The following KIAA2012 variants were observed in gnomAD, a reference collection of about 807,000 sequenced individuals.
KIAA2012 encodes the protein uncharacterized protein KIAA2012.
In KIAA2012, 125 loss-of-function variants were observed where a neutral mutation model predicts 150.6. The ratio of observed to expected loss-of-function variants is 0.83; its 90% confidence interval spans 0.72 to 0.96. The LOEUF is 0.96. KIAA2012 is among the 40% of genes least tolerant of loss of function. KIAA2012 has a pLI of 0.00. For synonymous variants in KIAA2012, 462 were observed against 504.7 expected, an observed-to-expected ratio of 0.92 and a Z score of 1.13; for missense variants, 1,219 against 1,354.9, an observed-to-expected ratio of 0.90 and a Z score of 1.57.
chr2:202,165,614 G>A lies in KIAA2012; in HGVS notation c.2119+258G>A, dbSNP rs186308840. Among the ~76,000 whole-genome samples, 812 of 152,206 alleles carry A rather than the reference G, an allele frequency of 5.3e-3. 5 individuals carry two copies. Among genetic ancestry groups the A allele is most frequent in the African/African-American group, 0.018 (752 of 41,524 alleles). The stretch of plus-strand genomic sequence containing the variant: ...TGCATGCCTGTAATCCCAGCTACTC[G>A]GGAGGCTGAGGCAGGAGAATCACTT... On this transcript the variant is annotated intron_variant, in intron 15 of 23. Transcript: ENST00000498697.
chr2:202,195,611 A>G (rs1292666963), intron 21 of KIAA2012, among the ~76,000 whole-genome samples: 1 of 152,164 alleles, frequency 6.6e-6, no homozygotes, highest in Non-Finnish European at 1.5e-5. Flanking sequence ...GCTATAGAAC[A>G]CTAGAACTTA....
In KIAA2012 at chr2:202,098,591, G is replaced by A. The variant is rs116443359; in HGVS notation, c.828+1014G>A. On this transcript the variant is annotated intron_variant, in intron 5 of 23. Transcript: ENST00000498697. The stretch of plus-strand genomic sequence containing the variant: ...AGCTGTTAATCTTGTTTGAAAAATA[G>A]CTATTGCCTTAGACTCAGAAAAGCC... 1.7e-3 allele frequency among the ~76,000 whole-genome samples: 260 copies of A among 152,212 alleles called. 1 individual carries two copies. The highest frequency in any genetic ancestry group is 5.9e-3 in the African/African-American group (245 of 41,544).
At chr2:202,157,209 A>G (rs533526049) in intron 14 of KIAA2012, among the ~76,000 whole-genome samples, 1 of 152,316 alleles carries the variant, frequency 6.6e-6, no homozygotes, top group South Asian at 2.1e-4. Context: ...CTCTCCCTAG[A>G]TAGACCTTCT....
At chr2:202,151,591 C>A (rs997726670) in intron 13 of KIAA2012, among the ~76,000 whole-genome samples, 2 of 152,046 alleles carry the variant, frequency 1.3e-5, no homozygotes, top group African/African-American at 4.8e-5. Flanking sequence ...CCTCCTAGCA[C>A]CATTGTGTTG....
chr2:202,083,116 C>A (rs1559196933), intron 2 of KIAA2012, among the ~76,000 whole-genome samples: 2 of 152,146 alleles, frequency 1.3e-5, no homozygotes, highest in African/African-American at 4.8e-5. Flanking sequence ...AGGGATCAAG[C>A]CTTGTTACAA....
Position 202,074,931 on chromosome 2 carries a change from T to C in KIAA2012, c.125T>C (p.Val42Ala), listed in dbSNP as rs10221698. Residue 42 changes from valine (V) to alanine (A), a missense_variant, in exon 2 of 24, where the codon GTC becomes GCC. Val to Ala is a moderately conservative substitution (Grantham distance 64, BLOSUM62 0). Transcript: ENST00000498697. ...NWRSPEDYVP[V>A]SKPQDKNNAS... ...AGGTCCCCAGAAGACTATGTTCCTG[T>C]CAGCAAACCTCAAGATAAGAACAAT... The C allele has an allele frequency of 0.52, 802,746 of 1,550,344 alleles. 215,473 individuals are homozygous for C. Among genetic ancestry groups the C allele is most frequent in the Non-Finnish European group, 0.56 (641,749 of 1,146,872 alleles).
At chr2:202,111,315 T>C (rs757819117) in intron 10 of KIAA2012, among the ~76,000 whole-genome samples, 5 of 130,998 alleles carry the variant, frequency 3.8e-5, no homozygotes, top group South Asian at 2.3e-4. Flanking sequence ...TGCAACAAGG[T>C]GAAACCCCAT....
chr2:202,074,044 G>A (rs1462112527), intron 1 of KIAA2012, among the ~76,000 whole-genome samples: 1 of 151,960 alleles, frequency 6.6e-6, no homozygotes, highest in South Asian at 2.1e-4. Context: ...TTTGGTTTTT[G>A]GAAGTCGTGC....
intron 4 of KIAA2012, among the ~76,000 whole-genome samples, chr2:202,097,148 G>C (rs1361948610): frequency 6.6e-6 from 1 of 152,218 alleles, no homozygotes; most frequent in Non-Finnish European, 1.5e-5. Context: ...CTACAAGGAA[G>C]TGAGGGCAAG....
intron 12 of KIAA2012, among the ~76,000 whole-genome samples, chr2:202,125,572 G>T (rs1690762237): frequency 6.6e-6 from 1 of 152,086 alleles, no homozygotes; most frequent in Non-Finnish European, 1.5e-5. Context: ...GATGTCCTGT[G>T]GGTCCTGCAG....
chr2:202,073,415 T>G lies in KIAA2012; in HGVS notation c.-213T>G. ...TGAGGAGGCTGGCTGTGCGGTTTAT[T>G]TTTTCTCTCCACAAAGACACACACT... is the stretch of plus-strand genomic sequence containing the variant. On this transcript the variant is annotated 5_prime_UTR_variant, in exon 1 of 24. It adds an upstream start codon to the 5' untranslated region. Transcript: ENST00000498697. 2.0e-6 allele frequency: 1 copy of G among 492,270 alleles called. No individual in the cohort carries two copies. Among genetic ancestry groups the G allele is most frequent in the Non-Finnish European group, 3.6e-6 (1 of 275,146 alleles). 30.5% of individuals were successfully genotyped at this position (492,270 alleles called of 1,614,324 possible).
chr2:202,101,690 T>C (rs1380141077), intron 7 of KIAA2012, among the ~76,000 whole-genome samples: 2 of 152,172 alleles, frequency 1.3e-5, no homozygotes, highest in African/African-American at 4.8e-5. Context: ...TCAAACAAAA[T>C]GCACAAGGTC....
In KIAA2012 at chr2:202,087,510, C is replaced by CAAAAAAAA. The variant is rs59728832; in HGVS notation, c.370-3242_370-3235dup. Reference sequence around the variant, plus strand: ...CCTGGTTGACAAAGCGAAACCATCTCAAAAAAAAAAAAAAAAAAAAAAAAA... The same window carrying CAAAAAAAA: ...CCTGGTTGACAAAGCGAAACCATCTCAAAAAAAAAAAAAAAAAAAAAAAAAAAAAAAAA... On this transcript the variant is annotated intron_variant, in intron 2 of 23. Coordinates refer to ENST00000498697, the MANE Select transcript of KIAA2012 (RefSeq NM_001277372.4). Among the ~76,000 whole-genome samples the CAAAAAAAA allele has an allele frequency of 6.1e-4, 32 of 52,522 alleles. 1 individual carries two copies. Among genetic ancestry groups the CAAAAAAAA allele is most frequent in the African/African-American group, 1.9e-3 (23 of 11,874 alleles). 34.5% of individuals were successfully genotyped at this position (52,522 alleles called of 152,430 possible). A position where few individuals can be genotyped will look rare whatever the true frequency, so the allele number is the denominator to read the frequency against.
chr2:202,090,717 T>C, intron 2 of KIAA2012, 53 bp from the exon 3 acceptor site: 30 of 1,493,828 alleles, frequency 2.0e-5, no homozygotes, highest in Non-Finnish European at 2.5e-5. Flanking sequence ...CCTGTATCAC[T>C]GGGTGGCTCA....
intron 12 of KIAA2012, among the ~76,000 whole-genome samples, chr2:202,134,888 A>G (rs1429958631): frequency 2.0e-5 from 3 of 152,222 alleles, no homozygotes; most frequent in Admixed American, 2.0e-4. Flanking sequence ...AACAACAAAC[A>G]ATGACCTGGG....
At chr2:202,109,514 T>C (rs1690289674) in intron 9 of KIAA2012, 99 bp from the exon 10 acceptor site, 1 of 1,049,258 alleles carries the variant, frequency 9.5e-7, no homozygotes, top group Non-Finnish European at 1.3e-6. Context: ...ATAGCAGTCT[T>C]CACACAGAGG....
chr2:202,115,334 C>T (rs1476498894), intron 11 of KIAA2012: 1 of 152,202 alleles, frequency 6.6e-6, no homozygotes, highest in Non-Finnish European at 1.5e-5. Flanking sequence ...CCCCTTCCAG[C>T]CTCATCTCCT....
intron 13 of KIAA2012, among the ~76,000 whole-genome samples, chr2:202,149,686 G>A (rs562988741): frequency 2.0e-5 from 3 of 152,194 alleles, no homozygotes; most frequent in Non-Finnish European, 2.9e-5. Flanking sequence ...GAGGAGGGCC[G>A]GAGGGACACC....
In KIAA2012 at chr2:202,196,910, G is replaced by A. The variant is rs1002261017; in HGVS notation, c.3298G>A (p.Glu1100Lys). 3 of 1,550,630 alleles carry A rather than the reference G, an allele frequency of 1.9e-6. No homozygotes were observed. Among genetic ancestry groups the A allele is most frequent in the Non-Finnish European group, 2.6e-6 (3 of 1,147,016 alleles). ...ERLEYQRRKQ[E>K]AEEKARLEAE... ...ACTGGAGTACCAGCGGCGGAAACAG[G>A]AAGCAGAAGAGAAGGCTCGGCTGGA... is the stretch of plus-strand genomic sequence containing the variant. The change falls in exon 22 of 24, where the codon GAA becomes AAA. Residue 1100 changes from glutamate (E) to lysine (K), a missense_variant. Transcript: ENST00000498697.
Sources: allele counts gnomAD v4.1 joint callset (sites outside exome capture counted in the v4.1 genomes callset), GRCh38; gene constraint gnomAD v4.1.1; transcripts MANE v1.5; gene names NCBI Gene and HGNC (gene_info 2026-07-23, HGNC 2026-07-21).